CCSER1: variants seen among roughly 807,000 people sequenced by gnomAD.
CCSER1 encodes the protein coiled-coil serine rich protein 1, also known as serine-rich coiled-coil domain-containing protein 1.
A neutral mutation model predicts 82.0 loss-of-function variants in CCSER1; 41 were observed. The observed-to-expected ratio is 0.50, with a 90% CI of 0.39 to 0.65. The LOEUF (loss-of-function observed/expected upper bound fraction) is 0.65. Ranked by LOEUF, CCSER1 falls within the 30% of genes least tolerant of loss-of-function variation. The probability of loss-of-function intolerance (pLI) is 0.00; values close to 1 mark genes in which losing one functional copy is unlikely to be tolerated. For missense variants in CCSER1, 1,119 were observed against 1,064.2 expected, an observed-to-expected ratio of 1.05 and a Z score of -0.72; for synonymous variants, 414 against 383.9, an observed-to-expected ratio of 1.08 and a Z score of -0.92.
intron 1 of CCSER1, among the ~76,000 whole-genome samples, chr4:90,183,537 G>GCA (rs1342841736): frequency 2.0e-5 from 3 of 152,014 alleles, no homozygotes; most frequent in Admixed American, 1.3e-4. Flanking sequence ...CTCCCACAGT[G>GCA]CACACACACA....
chr4:91,389,445 T>A (rs1751515336), intron 10 of CCSER1, among the ~76,000 whole-genome samples: 1 of 152,052 alleles, frequency 6.6e-6, no homozygotes. Context: ...TGCTTATTCA[T>A]TTGCCAATAT....
At chr4:91,181,882 T>C (rs1560499012) in intron 10 of CCSER1, among the ~76,000 whole-genome samples, 1 of 152,212 alleles carries the variant, frequency 6.6e-6, no homozygotes, top group Non-Finnish European at 1.5e-5. Context: ...AACTGTGTCA[T>C]AGAGTGATTG....
chr4:90,828,349 T>G (rs1309618341), intron 8 of CCSER1, among the ~76,000 whole-genome samples: 1 of 152,160 alleles, frequency 6.6e-6, no homozygotes, highest in Non-Finnish European at 1.5e-5. Context: ...TACATACTTA[T>G]CCATAAGTCT....
chr4:90,803,325 G>A (rs1425623304), intron 7 of CCSER1, among the ~76,000 whole-genome samples: 3 of 151,862 alleles, frequency 2.0e-5, no homozygotes, highest in Admixed American at 6.6e-5. Context: ...AACCTGTCAC[G>A]TACTTTAGGT....
intron 10 of CCSER1, among the ~76,000 whole-genome samples, chr4:91,476,313 T>C (rs951609806): frequency 1.3e-5 from 2 of 151,884 alleles, no homozygotes; most frequent in South Asian, 4.1e-4. Context: ...TTCTGTCTTT[T>C]TGGTAAGAAA....
At chr4:91,193,024 A>G (rs987706797) in intron 10 of CCSER1, among the ~76,000 whole-genome samples, 3 of 152,096 alleles carry the variant, frequency 2.0e-5, no homozygotes, top group Non-Finnish European at 2.9e-5. Context: ...TCCTCAAACT[A>G]TACATGCAAA....
At chr4:90,511,286 C>T (rs930850828) in intron 5 of CCSER1, among the ~76,000 whole-genome samples, 1 of 152,112 alleles carries the variant, frequency 6.6e-6, no homozygotes, top group Non-Finnish European at 1.5e-5. Context: ...GGCGTGGTGG[C>T]ACACACCTGT....
chr4:90,130,984 T>C (rs1722726121), intron 1 of CCSER1, among the ~76,000 whole-genome samples: 1 of 151,946 alleles, frequency 6.6e-6, no homozygotes, highest in African/African-American at 2.4e-5. Context: ...TTTAGCTTTA[T>C]GTTGTCTTTT....
Position 91,155,362 on chromosome 4 carries a change from C to A in CCSER1, c.2217+69368C>A, listed in dbSNP as rs544633785. On this transcript the variant is annotated intron_variant, in intron 10 of 10. Transcript: ENST00000509176. Reference sequence around the variant, plus strand: ...CTTTTTGCTCTTTCTTCATCTTCCTCCATGATTGTGAGCCCTCCCCAGCCA... The same window carrying A: ...CTTTTTGCTCTTTCTTCATCTTCCTACATGATTGTGAGCCCTCCCCAGCCA... Among the ~76,000 whole-genome samples the A allele has an allele frequency of 3.2e-4, 49 of 152,004 alleles. 2 individuals are homozygous for A. In the South Asian group the frequency reaches 7.9e-3, roughly 25 times the overall value.
At chr4:90,750,564 G>A (rs963697678) in intron 7 of CCSER1, among the ~76,000 whole-genome samples, 1 of 152,140 alleles carries the variant, frequency 6.6e-6, no homozygotes, top group African/African-American at 2.4e-5. Flanking sequence ...TTCTTCAGCT[G>A]CTGCCAGCTC....
At chr4:90,326,748 G>C (rs919658751) in intron 3 of CCSER1, among the ~76,000 whole-genome samples, 35 of 152,144 alleles carry the variant, frequency 2.3e-4, no homozygotes, top group African/African-American at 8.4e-4. Context: ...TGCAGTAGGG[G>C]GTGGTCTGGA....
chr4:90,377,019 G>A (rs1193252518), intron 3 of CCSER1, among the ~76,000 whole-genome samples: 5 of 152,144 alleles, frequency 3.3e-5, no homozygotes, highest in South Asian at 2.1e-4. Flanking sequence ...GCATGTGCAA[G>A]TATCATCTAG....
At chr4:90,706,722 G>C (rs1739427853) in intron 6 of CCSER1, among the ~76,000 whole-genome samples, 1 of 152,166 alleles carries the variant, frequency 6.6e-6, no homozygotes, top group Non-Finnish European at 1.5e-5. Context: ...AACAAAATTT[G>C]CACATTGTGT....
intron 9 of CCSER1, among the ~76,000 whole-genome samples, chr4:91,079,689 A>G (rs753966780): frequency 1.3e-5 from 2 of 152,200 alleles, no homozygotes; most frequent in Non-Finnish European, 2.9e-5. Context: ...ACATGCAGAG[A>G]CAAATATAGG....
At position 90,970,024 on chromosome 4, in the gene CCSER1, C is replaced by G. The variant is rs1040278219; in HGVS notation, c.2172+46577C>G. Among the ~76,000 whole-genome samples the G allele has an allele frequency of 6.6e-5, 10 of 150,808 alleles. 1 individual carries two copies. Among genetic ancestry groups the G allele is most frequent in the African/African-American group, 2.4e-4 (10 of 40,992 alleles). ...ATCATAAAATTACAAAGGAATATGA[C>G]AAGAGAAGAAGAAAGAAACAAAGAA... On this transcript the variant is annotated intron_variant, in intron 9 of 10. Transcript: ENST00000509176.
intron 10 of CCSER1, among the ~76,000 whole-genome samples, chr4:91,501,095 A>C (rs1759184267): frequency 6.6e-6 from 1 of 151,854 alleles, no homozygotes; most frequent in South Asian, 2.1e-4. Flanking sequence ...TATTAGATGT[A>C]TATCAAGCTG....
At chr4:90,564,252 C>T (rs561718077) in intron 5 of CCSER1, among the ~76,000 whole-genome samples, 50 of 151,886 alleles carry the variant, frequency 3.3e-4, no homozygotes, top group Non-Finnish European at 6.8e-4. Context: ...ATGGGGGTCT[C>T]ACTATGTTGC....
At chr4:91,310,163 T>G (rs11725743) in intron 10 of CCSER1, among the ~76,000 whole-genome samples, 1 of 151,668 alleles carries the variant, frequency 6.6e-6, no homozygotes, top group African/African-American at 2.4e-5. Context: ...TTAGACACTC[T>G]TATGCCACAT....
At chr4:90,658,242 A>G (rs906652970) in intron 6 of CCSER1, among the ~76,000 whole-genome samples, 12 of 152,180 alleles carry the variant, frequency 7.9e-5, no homozygotes, top group Non-Finnish European at 1.3e-4. Flanking sequence ...GTTTAATTAA[A>G]TAATAGGAGT....
Sources: allele counts gnomAD v4.1 joint callset (sites outside exome capture counted in the v4.1 genomes callset), GRCh38; gene constraint gnomAD v4.1.1; transcripts MANE v1.5; gene names NCBI Gene and HGNC (gene_info 2026-07-23, HGNC 2026-07-21).